The following FCHSD2 variants were observed in gnomAD, a reference collection of about 807,000 sequenced individuals.
FCHSD2 encodes the protein FCH and double SH3 domains 2.
FCHSD2 carries 38 observed loss-of-function variants against 108.1 expected under a neutral mutation model. That is an observed-to-expected ratio of 0.35 (90% confidence interval 0.27 to 0.46). FCHSD2 has a LOEUF of 0.46. Ranked by LOEUF, FCHSD2 falls within the 20% of genes least tolerant of loss-of-function variation. The pLI is 1.00. For synonymous variants in FCHSD2, 279 were observed against 314.7 expected (o/e 0.89, Z 1.20); for missense variants, 751 against 897.8 (o/e 0.84, Z 2.09).
chr11:73,035,856 G>T (rs1451057461), intron 3 of FCHSD2, among the ~76,000 whole-genome samples: 1 of 151,920 alleles, frequency 6.6e-6, no homozygotes, highest in African/African-American at 2.4e-5. Context: ...GAGTAGCTGA[G>T]ACTACAGGCG....
chr11:72,950,359 T>C (rs1856599016), intron 8 of FCHSD2, among the ~76,000 whole-genome samples: 2 of 152,206 alleles, frequency 1.3e-5, no homozygotes, highest in African/African-American at 4.8e-5. Context: ...GTCTATTCTT[T>C]CTTTGGTTGC....
At chr11:73,057,792 C>A (rs1859062011) in intron 3 of FCHSD2, among the ~76,000 whole-genome samples, 1 of 152,134 alleles carries the variant, frequency 6.6e-6, no homozygotes, top group Admixed American at 6.5e-5. Context: ...CGCCCCACAG[C>A]TATACAGGGA....
Position 72,921,925 on chromosome 11 carries a change from T to C in FCHSD2, c.731A>G (p.His244Arg). The C allele has an allele frequency of 6.3e-7, 1 of 1,596,262 alleles. No individual in the cohort carries two copies. Among genetic ancestry groups the C allele is most frequent in the Non-Finnish European group, 8.5e-7 (1 of 1,169,860 alleles). ...MKALDGNVYD[H>R]LKDYLIAFSR... ...GAAGGCTATTAAATAATCCTTGAGA[T>C]GATCATACACATTTCCATCAAGAGC... is the stretch of plus-strand genomic sequence containing the variant. The change falls in exon 9 of 20, where the codon CAT becomes CGT. Residue 244 changes from histidine to arginine, a missense_variant. His to Arg is a conservative substitution (Grantham distance 29). Transcript: ENST00000409418.
intron 3 of FCHSD2, among the ~76,000 whole-genome samples, chr11:73,037,025 A>T (rs944577475): frequency 1.5e-4 from 23 of 152,250 alleles, no homozygotes; most frequent in African/African-American, 5.5e-4. Context: ...TATCAATTCA[A>T]GAGCATATGA....
chr11:72,928,610 G>A (rs553740180), intron 8 of FCHSD2, among the ~76,000 whole-genome samples: 2 of 152,184 alleles, frequency 1.3e-5, no homozygotes, highest in Middle Eastern at 3.4e-3. Flanking sequence ...CTTCCTTAGC[G>A]TTTTCACAAT....
At chr11:73,093,726 C>T (rs1411150181) in intron 2 of FCHSD2, among the ~76,000 whole-genome samples, 1 of 152,078 alleles carries the variant, frequency 6.6e-6, no homozygotes, top group Non-Finnish European at 1.5e-5. Context: ...CTCAGCCTCC[C>T]AAGTAGCTGG....
At chr11:73,087,941 C>T (rs1859862772) in intron 2 of FCHSD2, among the ~76,000 whole-genome samples, 1 of 152,120 alleles carries the variant, frequency 6.6e-6, no homozygotes, top group Non-Finnish European at 1.5e-5. Context: ...TGCAGTGATG[C>T]AATCATAGCT....
At chr11:72,962,281 G>A (rs946901829) in intron 8 of FCHSD2, among the ~76,000 whole-genome samples, 9 of 152,172 alleles carry the variant, frequency 5.9e-5, no homozygotes, top group South Asian at 4.1e-4. Flanking sequence ...GCTGAATAAC[G>A]TGATGATGCA....
intron 9 of FCHSD2, among the ~76,000 whole-genome samples, chr11:72,915,801 G>A (rs577116546): frequency 6.6e-6 from 1 of 152,258 alleles, no homozygotes; most frequent in South Asian, 2.1e-4. Context: ...CTGGGTGACA[G>A]AGCAAGACTC....
chr11:73,051,563 G>C (rs1858898226), intron 3 of FCHSD2, among the ~76,000 whole-genome samples: 1 of 151,908 alleles, frequency 6.6e-6, no homozygotes, highest in Admixed American at 6.6e-5. Flanking sequence ...AACAATGAAA[G>C]TAATTTCAAA....
chr11:73,088,420 G>A (rs1408800768), intron 2 of FCHSD2, among the ~76,000 whole-genome samples: 1 of 151,966 alleles, frequency 6.6e-6, no homozygotes, highest in African/African-American at 2.4e-5. Flanking sequence ...TTCTTAGAAT[G>A]TATCCCCATC....
intron 3 of FCHSD2, among the ~76,000 whole-genome samples, chr11:73,059,620 T>G (rs556898982): frequency 6.6e-6 from 1 of 152,306 alleles, no homozygotes; most frequent in South Asian, 2.1e-4. Context: ...GCAAAATTAG[T>G]CTATGAAAAT....
At position 72,842,732 on chromosome 11, in the gene FCHSD2, A is replaced by G; in HGVS notation, c.1815T>C (p.Asp605=). The G allele has an allele frequency of 6.2e-7, 1 of 1,613,966 alleles. No individual in the cohort carries two copies. The highest frequency in any genetic ancestry group is 8.5e-7 in the Non-Finnish European group (1 of 1,179,888). ...RILNKENQDD[D]GFWEGEFNGR... Reference sequence around the variant, plus strand: ...CATTGAATTCCCCTTCCCAGAAGCCATCATCATCTTGGTTTTCTTTGTTCA... The same window carrying G: ...CATTGAATTCCCCTTCCCAGAAGCCGTCATCATCTTGGTTTTCTTTGTTCA... Residue 605 remains aspartate, a synonymous_variant, in exon 17 of 20, where the codon GAT becomes GAC. Coordinates refer to ENST00000409418, the MANE Select transcript of FCHSD2 (RefSeq NM_014824.3).
intron 2 of FCHSD2, among the ~76,000 whole-genome samples, chr11:73,096,987 A>AGTTTTTTTTTTTTT (rs1860095700): frequency 1.1e-4 from 3 of 27,020 alleles, no homozygotes; most frequent in African/African-American, 2.0e-4. Flanking sequence ...TCATTGATGG[A>AGTTTTTTTTTTTTT]TTTTTTTTTT....
rs199969266 is a variant in FCHSD2, at chr11:73,045,521, A to C, written c.166-29636T>G. 3.3e-5 allele frequency among the ~76,000 whole-genome samples: 5 copies of C among 152,164 alleles called. No individual in the cohort carries two copies. In the East Asian group the frequency reaches 9.6e-4, roughly 29 times the overall value. On this transcript the variant is annotated intron_variant, in intron 3 of 19. Transcript: ENST00000409418. ...TAGCAGAGACTTGGAACCAACCCAG[A>C]TGTCCAACAATGATAGAATGGATTA... is the stretch of plus-strand genomic sequence containing the variant.
intron 5 of FCHSD2, among the ~76,000 whole-genome samples, chr11:72,999,622 A>C (rs1306765353): frequency 6.6e-6 from 1 of 152,104 alleles, no homozygotes; most frequent in African/African-American, 2.4e-5. Context: ...ACCCGGCCTT[A>C]TCAAACATTC....
chr11:72,983,066 G>A (rs887450274), intron 8 of FCHSD2, among the ~76,000 whole-genome samples: 14 of 151,898 alleles, frequency 9.2e-5, no homozygotes, highest in South Asian at 2.1e-4. Context: ...AGGCTGAGGC[G>A]GGCGGATCAC....
intron 8 of FCHSD2, among the ~76,000 whole-genome samples, chr11:72,948,066 G>C (rs2135351885): frequency 6.6e-6 from 1 of 152,270 alleles, no homozygotes; most frequent in South Asian, 2.1e-4. Flanking sequence ...GGAGTGCAGT[G>C]GTGCGATCTC....
intron 8 of FCHSD2, among the ~76,000 whole-genome samples, chr11:72,927,088 T>C (rs1057228400): frequency 1.3e-5 from 2 of 152,144 alleles, no homozygotes; most frequent in Non-Finnish European, 2.9e-5. Flanking sequence ...ACAAAACAAA[T>C]GTATTTCAGT....
Sources: allele counts gnomAD v4.1 joint callset (sites outside exome capture counted in the v4.1 genomes callset), GRCh38; gene constraint gnomAD v4.1.1; transcripts MANE v1.5; gene names NCBI Gene and HGNC (gene_info 2026-07-23, HGNC 2026-07-21).